The following TEX11 variants were observed in gnomAD, a reference collection of about 807,000 sequenced individuals.
The protein encoded by TEX11 is testis-expressed protein 11.
Under a neutral mutation model 84.4 loss-of-function variants are expected in TEX11, and 7 were observed. The observed-to-expected ratio is 0.08, with a 90% CI of 0.05 to 0.16. The LOEUF (loss-of-function observed/expected upper bound fraction) is 0.16, where lower values mean the gene tolerates loss of function less well. Among genes scored for constraint, TEX11 ranks in the 10% least tolerant of loss-of-function variants. The probability of loss-of-function intolerance (pLI) is 1.00; values close to 1 mark genes in which losing one functional copy is unlikely to be tolerated. For missense variants in TEX11, 551 were observed against 660.5 expected, an observed-to-expected ratio of 0.83 and a Z score of 1.82; for synonymous variants, 264 against 222.8, an observed-to-expected ratio of 1.18 and a Z score of -1.64.
chrX:70,661,621 C>A (rs996082700), intron 16 of TEX11, among the ~76,000 whole-genome samples: 1 of 111,690 alleles, frequency 9.0e-6, no homozygotes, highest in Non-Finnish European at 1.9e-5. Flanking sequence ...TGGGAGGCAC[C>A]CCCCAGTAGG....
chrX:70,599,098 C>A (rs1569348462), intron 24 of TEX11, among the ~76,000 whole-genome samples: 1 of 111,377 alleles, frequency 9.0e-6, no homozygotes, highest in African/African-American at 3.3e-5. Context: ...GGATAGGGAT[C>A]AGGACACTTT....
At chrX:70,592,692 C>G (rs747008305) in intron 24 of TEX11, among the ~76,000 whole-genome samples, 20 of 111,128 alleles carry the variant, frequency 1.8e-4, no homozygotes, top group Non-Finnish European at 2.8e-4. Context: ...TCCACTCATA[C>G]AATTGGATTG....
At chrX:70,730,926 A>G (rs112897897) in intron 11 of TEX11, among the ~76,000 whole-genome samples, 3,061 of 112,059 alleles carry the variant, frequency 0.027, 100 homozygotes, top group African/African-American at 0.093. Context: ...CAGCAAATGT[A>G]AAACAACAGA....
At chrX:70,749,359 G>A (rs1240228847) in intron 9 of TEX11, among the ~76,000 whole-genome samples, 21 of 110,043 alleles carry the variant, frequency 1.9e-4, no homozygotes, top group Middle Eastern at 4.7e-3. Flanking sequence ...CAATCATGTC[G>A]TCTGCAAACA....
chrX:70,907,715 T>TTTGACAC, intron 2 of TEX11, 38 bp downstream of exon 2: 2 of 1,047,923 alleles, frequency 1.9e-6, no homozygotes, highest in Non-Finnish European at 2.7e-6. Context: ...AAAGCAGCAG[T>TTTGACAC]TTGACACTAT....
intron 4 of TEX11, among the ~76,000 whole-genome samples, chrX:70,864,553 C>T (rs2091587590): frequency 9.3e-6 from 1 of 107,011 alleles, no homozygotes; most frequent in South Asian, 4.2e-4. Flanking sequence ...CTGGCGAATA[C>T]AGTGAAACCC....
intron 16 of TEX11, among the ~76,000 whole-genome samples, chrX:70,664,816 A>G (rs1369278301): frequency 2.1e-5 from 2 of 93,287 alleles, no homozygotes; most frequent in Non-Finnish European, 4.2e-5. Context: ...ATCCATATAG[A>G]TGCATTTGTG....
intron 11 of TEX11, among the ~76,000 whole-genome samples, chrX:70,734,454 A>C (rs2090680625): frequency 1.8e-5 from 2 of 111,739 alleles, no homozygotes; most frequent in Admixed American, 1.9e-4. Flanking sequence ...GAAAGTTTCC[A>C]ATTCAACATA....
chrX:70,729,774 G>C (rs1410650237), intron 11 of TEX11, among the ~76,000 whole-genome samples: 2 of 111,290 alleles, frequency 1.8e-5, no homozygotes, highest in Non-Finnish European at 3.8e-5. Flanking sequence ...ATCTAGCAAG[G>C]CAGGCCAGCA....
rs1001455899 is a variant in TEX11 at position 70,844,022 on chromosome X, A to G, written c.525+9012T>C. On this transcript the variant is annotated intron_variant, in intron 7 of 29. Transcript: ENST00000374333. ...TTTTACACTGTTGGTGGGACTGTAA[A>G]CTAGTTCAACCATTGTGGAAGTCAG... Among the ~76,000 whole-genome samples, 26 of 110,862 alleles carry G rather than the reference A, an allele frequency of 2.3e-4. No individual in the cohort carries two copies. The Admixed American group carries it at 2.4e-3, about 10-fold the overall frequency.
chrX:70,544,793 T>A (rs1237036009), intron 28 of TEX11, among the ~76,000 whole-genome samples: 1 of 94,892 alleles, frequency 1.1e-5, no homozygotes, highest in East Asian at 3.2e-4. Context: ...GAGCCGAGAT[T>A]GTGCCTTCGC....
At chrX:70,629,224 T>C (rs969306602) in intron 18 of TEX11, among the ~76,000 whole-genome samples, 1 of 112,180 alleles carries the variant, frequency 8.9e-6, no homozygotes, top group Non-Finnish European at 1.9e-5. Context: ...TAATACTATT[T>C]TGTGGTTATG....
At chrX:70,863,750 G>A (rs2091582858) in intron 4 of TEX11, among the ~76,000 whole-genome samples, 2 of 111,464 alleles carry the variant, frequency 1.8e-5, no homozygotes, top group South Asian at 3.8e-4. Flanking sequence ...ACAGAAGTAG[G>A]CTCCAGAAGG....
intron 25 of TEX11, among the ~76,000 whole-genome samples, chrX:70,560,893 G>GTTTTTTTTTTTT (rs745618647): frequency 6.0e-5 from 2 of 33,591 alleles, no homozygotes; most frequent in African/African-American, 2.8e-4. Context: ...CACCACACCG[G>GTTTTTTTTTTTT]TTTTTTTTTT....
At chrX:70,792,315 AATATATATATATAT>A (rs1556087562) in intron 9 of TEX11, among the ~76,000 whole-genome samples, 3 of 14,912 alleles carry the variant, frequency 2.0e-4, no homozygotes, top group Non-Finnish European at 3.1e-4. Context: ...AAAAAAAAAA[AATATATATATATAT>A]ATATATATAT....
intron 9 of TEX11, among the ~76,000 whole-genome samples, chrX:70,765,692 G>A (rs2090935809): frequency 9.0e-6 from 1 of 111,674 alleles, no homozygotes; most frequent in African/African-American, 3.3e-5. Flanking sequence ...AAGGAATGGG[G>A]AAGAACTGAA....
At chrX:70,725,049 T>TA (rs2090588939) in intron 12 of TEX11, among the ~76,000 whole-genome samples, 9 of 107,478 alleles carry the variant, frequency 8.4e-5, no homozygotes, top group Non-Finnish European at 1.7e-4. Flanking sequence ...TCAGCTTTTT[T>TA]TAAAAAAAAA....
intron 7 of TEX11, among the ~76,000 whole-genome samples, chrX:70,846,892 A>G (rs1249932082): frequency 1.8e-5 from 2 of 110,958 alleles, no homozygotes; most frequent in Non-Finnish European, 3.8e-5. Context: ...CCACTGCACT[A>G]CAACCTAGGC....
At chrX:70,820,735 C>G (rs1193129543) in intron 8 of TEX11, among the ~76,000 whole-genome samples, 2 of 111,142 alleles carry the variant, frequency 1.8e-5, no homozygotes, top group East Asian at 5.6e-4. Context: ...AACTCACTTA[C>G]TATTGTGAGG....
Sources: allele counts gnomAD v4.1 joint callset (sites outside exome capture counted in the v4.1 genomes callset), GRCh38; gene constraint gnomAD v4.1.1; transcripts MANE v1.5; gene names NCBI Gene and HGNC (gene_info 2026-07-23, HGNC 2026-07-21).